NELL2: variants seen among roughly 807,000 people sequenced by gnomAD.
The protein encoded by NELL2 is protein kinase C-binding protein NELL2.
NELL2 carries 41 observed loss-of-function variants against 109.6 expected under a neutral mutation model. That is an observed-to-expected ratio of 0.37 (90% CI 0.29 to 0.49). The LOEUF (loss-of-function observed/expected upper bound fraction) is 0.49. Ranked by LOEUF, NELL2 falls within the 20% of genes least tolerant of loss-of-function variation. The probability of loss-of-function intolerance (pLI) is 0.98; values close to 1 mark genes in which losing one functional copy is unlikely to be tolerated. For synonymous variants in NELL2, 355 were observed against 344.7 expected (o/e 1.03, Z -0.33); for missense variants, 900 against 1,008.3 (o/e 0.89, Z 1.45).
At chr12:44,744,895 T>G (rs1223006087) in intron 9 of NELL2, among the ~76,000 whole-genome samples, 4 of 152,156 alleles carry the variant, frequency 2.6e-5, no homozygotes, top group Non-Finnish European at 5.9e-5. Context: ...CTGGTACCAT[T>G]CCTTCTGAAA....
chr12:44,703,679 T>A, intron 12 of NELL2, 47 bp downstream of exon 12: 1 of 1,605,520 alleles, frequency 6.2e-7, no homozygotes, highest in African/African-American at 1.3e-5. Context: ...CATGCAGTAA[T>A]CCTAGAAAAT....
chr12:44,789,762 G>C (rs1942312250), intron 3 of NELL2, among the ~76,000 whole-genome samples: 1 of 152,098 alleles, frequency 6.6e-6, no homozygotes. Flanking sequence ...CAAGGAAATA[G>C]ATAGCATAAA....
chr12:44,743,371 G>A (rs1455133966), intron 9 of NELL2, among the ~76,000 whole-genome samples: 2 of 152,090 alleles, frequency 1.3e-5, no homozygotes, highest in Non-Finnish European at 2.9e-5. Flanking sequence ...AGACCATCGA[G>A]GCTAGGAAGA....
intron 12 of NELL2, among the ~76,000 whole-genome samples, chr12:44,668,808 G>A (rs149420412): frequency 1.3e-5 from 2 of 152,240 alleles, no homozygotes; most frequent in African/African-American, 4.8e-5. Context: ...TCAGAGACCT[G>A]AGGGTTGGAA....
intron 3 of NELL2, among the ~76,000 whole-genome samples, chr12:44,814,962 A>C (rs925569519): frequency 6.6e-5 from 10 of 152,162 alleles, no homozygotes; most frequent in Admixed American, 2.6e-4. Context: ...TAAATTCTTT[A>C]ATCCTCACAA....
At chr12:44,599,305 TTATAA>T (rs138924362) in intron 15 of NELL2, among the ~76,000 whole-genome samples, 1 of 152,132 alleles carries the variant, frequency 6.6e-6, no homozygotes, top group Non-Finnish European at 1.5e-5. Context: ...GCTGTAAATT[TTATAA>T]TATAATATGA....
chr12:44,563,337 T>A (rs1034537030), intron 15 of NELL2, among the ~76,000 whole-genome samples: 6 of 151,912 alleles, frequency 3.9e-5, no homozygotes, highest in African/African-American at 1.2e-4. Context: ...AAAAAAAGAA[T>A]GGAACATCAG....
chr12:44,569,966 T>A (rs1390296848), intron 15 of NELL2, among the ~76,000 whole-genome samples: 1 of 152,042 alleles, frequency 6.6e-6, no homozygotes, highest in African/African-American at 2.4e-5. Context: ...TTCTTCTCTA[T>A]AAATTTCCTA....
chr12:44,634,592 T>C (rs1946569236), intron 13 of NELL2, among the ~76,000 whole-genome samples: 1 of 152,196 alleles, frequency 6.6e-6, no homozygotes, highest in East Asian at 1.9e-4. Context: ...TTTGTGTTGG[T>C]TCCAAATCTT....
upstream of NELL2, chr12:44,876,993 G>T: frequency 1.3e-6 from 1 of 756,946 alleles, no homozygotes. Context: ...GCCAGGAGGT[G>T]CTGGACAGCT....
chr12:44,810,855 T>C (rs1009248828), intron 3 of NELL2, among the ~76,000 whole-genome samples: 1 of 152,160 alleles, frequency 6.6e-6, no homozygotes. Flanking sequence ...TTAAGAAAGC[T>C]ACAATTTAGA....
chr12:44,534,347 T>C (rs980829098), intron 15 of NELL2, among the ~76,000 whole-genome samples: 3 of 152,156 alleles, frequency 2.0e-5, no homozygotes, highest in Non-Finnish European at 2.9e-5. Flanking sequence ...ATTGCTGTAA[T>C]ATTTCAGCAT....
intron 15 of NELL2, among the ~76,000 whole-genome samples, chr12:44,549,914 AC>A (rs1192937085): frequency 6.6e-6 from 1 of 152,196 alleles, no homozygotes; most frequent in Admixed American, 6.5e-5. Flanking sequence ...ATATAGAACC[AC>A]AAAAGACCCG....
intron 12 of NELL2, among the ~76,000 whole-genome samples, chr12:44,687,250 C>T (rs1015909386): frequency 7.2e-5 from 11 of 152,178 alleles, no homozygotes; most frequent in South Asian, 4.1e-4. Flanking sequence ...GGCAATGCCG[C>T]GCCCTGCTTT....
intron 9 of NELL2, among the ~76,000 whole-genome samples, chr12:44,726,203 G>A (rs1939073070): frequency 6.6e-6 from 1 of 151,920 alleles, no homozygotes. Flanking sequence ...TTCCAAAGGA[G>A]AAAAATACAT....
chr12:44,885,704 T>C (rs1343375441), intron 1 of NELL2, among the ~76,000 whole-genome samples: 1 of 151,920 alleles, frequency 6.6e-6, no homozygotes, highest in Non-Finnish European at 1.5e-5. Flanking sequence ...ATCAATTATC[T>C]TCATATTGAT....
chr12:44,533,851 G>A (rs1279606718), intron 15 of NELL2, among the ~76,000 whole-genome samples: 1 of 150,814 alleles, frequency 6.6e-6, no homozygotes, highest in Non-Finnish European at 1.5e-5. Flanking sequence ...CATTGTAGCT[G>A]CCAAAAATAT....
intron 15 of NELL2, among the ~76,000 whole-genome samples, chr12:44,566,049 A>C (rs1009897074): frequency 6.6e-6 from 1 of 152,166 alleles, no homozygotes; most frequent in African/African-American, 2.4e-5. Flanking sequence ...AAGGAAACTT[A>C]GGAGCCTCTG....
chr12:44,586,057 TTAC>T (rs1384819785), intron 15 of NELL2, among the ~76,000 whole-genome samples: 1 of 151,850 alleles, frequency 6.6e-6, no homozygotes, highest in Non-Finnish European at 1.5e-5. Context: ...TATTTACTAC[TTAC>T]TACAAGATGG....
Sources: allele counts gnomAD v4.1 joint callset (sites outside exome capture counted in the v4.1 genomes callset), GRCh38; gene constraint gnomAD v4.1.1; transcripts MANE v1.5; gene names NCBI Gene and HGNC (gene_info 2026-07-23, HGNC 2026-07-21).